UBE2E2: variants seen among roughly 807,000 people sequenced by gnomAD.
UBE2E2 encodes ubiquitin-conjugating enzyme E2 E2.
Under a neutral mutation model 24.7 loss-of-function variants are expected in UBE2E2, and 6 were observed. The ratio of observed to expected loss-of-function variants is 0.24; its 90% CI spans 0.13 to 0.48. The LOEUF is 0.48. UBE2E2 is among the 20% of genes least tolerant of loss of function. UBE2E2 has a pLI of 0.99. For missense variants in UBE2E2, 169 were observed against 245.0 expected, an observed-to-expected ratio of 0.69 and a Z score of 2.07; for synonymous variants, 104 against 83.6, an observed-to-expected ratio of 1.24 and a Z score of -1.33.
rs372399713 is a variant in UBE2E2, at chr3:23,324,268, A to G, written c.227+106956A>G. Among the ~76,000 whole-genome samples, 90 of 152,272 alleles carry G rather than the reference A, an allele frequency of 5.9e-4. 2 individuals carry two copies. In the South Asian group the frequency reaches 0.017, roughly 29 times the overall value. On this transcript the variant is annotated intron_variant, in intron 3 of 5. Coordinates refer to ENST00000396703, the MANE Select transcript of UBE2E2 (RefSeq NM_152653.4). ...TTAGTTGAATCTGTGATTTTATAAA[A>G]TACGAATTAAATTTCTTATAAAATG... is the stretch of plus-strand genomic sequence containing the variant.
At chr3:23,469,299 A>G (rs1698986068) in intron 3 of UBE2E2, among the ~76,000 whole-genome samples, 1 of 152,220 alleles carries the variant, frequency 6.6e-6, no homozygotes. Flanking sequence ...AACAAGTTCC[A>G]ACATTCTACA....
chr3:23,321,934 G>A (rs146114100), intron 3 of UBE2E2, among the ~76,000 whole-genome samples: 106 of 152,004 alleles, frequency 7.0e-4, no homozygotes, highest in African/African-American at 2.4e-3. Flanking sequence ...AATTTATGCC[G>A]TAAGAGAATG....
intron 3 of UBE2E2, among the ~76,000 whole-genome samples, chr3:23,405,306 T>C (rs1175226725): frequency 6.6e-6 from 1 of 152,150 alleles, no homozygotes; most frequent in Non-Finnish European, 1.5e-5. Flanking sequence ...CCTCACTGAT[T>C]GTAAGAATGA....
At chr3:23,447,974 A>C (rs1244020130) in intron 3 of UBE2E2, among the ~76,000 whole-genome samples, 2 of 152,214 alleles carry the variant, frequency 1.3e-5, no homozygotes, top group Admixed American at 1.3e-4. Context: ...TGAGGAAGAA[A>C]GGTTATTAGG....
rs917186177 is a variant in UBE2E2 at position 23,280,428 on chromosome 3, A to G, written c.227+63116A>G. 6.6e-6 allele frequency among the ~76,000 whole-genome samples: 1 copy of G among 152,208 alleles called. No individual in the cohort carries two copies. Among genetic ancestry groups the G allele is most frequent in the East Asian group, 1.9e-4 (1 of 5,200 alleles). ...TCAGGATCACACTGGTGCCACTTTA[A>G]CTGGAAAGTTTTGAGGGATTGTGAA... On this transcript the variant is annotated intron_variant, in intron 3 of 5. Transcript: ENST00000396703. The surrounding 1 kb of genome is among the most constrained non-coding windows in gnomAD (Gnocchi z 4.3).
intron 3 of UBE2E2, among the ~76,000 whole-genome samples, chr3:23,459,586 C>T (rs746801792): frequency 4.6e-5 from 7 of 152,150 alleles, no homozygotes; most frequent in Non-Finnish European, 8.8e-5. Flanking sequence ...GGCTGTTGAA[C>T]AGTAGGAGGG....
intron 5 of UBE2E2, among the ~76,000 whole-genome samples, chr3:23,559,462 G>A (rs912915283): frequency 7.9e-5 from 12 of 151,978 alleles, no homozygotes; most frequent in African/African-American, 2.9e-4. Flanking sequence ...CTTCGTACAA[G>A]TGAGAATTAG....
chr3:23,252,019 A>AG (rs1395992780), intron 3 of UBE2E2, among the ~76,000 whole-genome samples: 1 of 152,234 alleles, frequency 6.6e-6, no homozygotes, highest in Non-Finnish European at 1.5e-5. Context: ...CTGTAATCCA[A>AG]GGGGGCACAT....
chr3:23,335,110 T>C (rs1411155013), intron 3 of UBE2E2, among the ~76,000 whole-genome samples: 2 of 152,202 alleles, frequency 1.3e-5, no homozygotes, highest in Non-Finnish European at 2.9e-5. Flanking sequence ...TTAATTCTTC[T>C]TTTGCTGTGC....
At chr3:23,340,393 G>A (rs1239061804) in intron 3 of UBE2E2, among the ~76,000 whole-genome samples, 1 of 152,046 alleles carries the variant, frequency 6.6e-6, no homozygotes, top group African/African-American at 2.4e-5. Context: ...TGTGAAGCAA[G>A]TGCCTGTCAT....
chr3:23,527,157 T>C (rs532479309), intron 4 of UBE2E2, among the ~76,000 whole-genome samples: 1 of 152,238 alleles, frequency 6.6e-6, no homozygotes, highest in African/African-American at 2.4e-5. Flanking sequence ...TGAAACATAG[T>C]GATAACACCA....
In UBE2E2 at chr3:23,567,572, A is replaced by G. The variant is rs182267971; in HGVS notation, c.509-22162A>G. Among the ~76,000 whole-genome samples the G allele has an allele frequency of 1.4e-4, 22 of 152,330 alleles. No individual in the cohort carries two copies. The South Asian group carries it at 2.1e-3, about 14-fold the overall frequency. Reference sequence around the variant, plus strand: ...TTAGATTCAAAGCCAAGACAGCTGTATATTAAACCCCAAAAAGTGGCACCA... The same window carrying G: ...TTAGATTCAAAGCCAAGACAGCTGTGTATTAAACCCCAAAAAGTGGCACCA... On this transcript the variant is annotated intron_variant, in intron 5 of 5. Coordinates refer to ENST00000396703, the MANE Select transcript of UBE2E2 (RefSeq NM_152653.4).
intron 3 of UBE2E2, among the ~76,000 whole-genome samples, chr3:23,299,802 A>G (rs369227135): frequency 6.0e-4 from 92 of 152,132 alleles, no homozygotes; most frequent in South Asian, 2.7e-3. Context: ...TATTAGGTCC[A>G]CTTGGTGCAG....
intron 3 of UBE2E2, among the ~76,000 whole-genome samples, chr3:23,221,648 T>A (rs1489125195): frequency 2.6e-5 from 4 of 152,124 alleles, no homozygotes; most frequent in Admixed American, 1.3e-4. Context: ...CTTCTTTTTT[T>A]TTTCTGAGAC....
intron 3 of UBE2E2, among the ~76,000 whole-genome samples, chr3:23,415,839 C>T (rs1157120212): frequency 1.3e-5 from 2 of 152,058 alleles, no homozygotes; most frequent in African/African-American, 4.8e-5. Context: ...TGGTTTGCTG[C>T]ACCCATCAAC....
chr3:23,285,421 C>T (rs1698594496), intron 3 of UBE2E2, among the ~76,000 whole-genome samples: 1 of 152,012 alleles, frequency 6.6e-6, no homozygotes, highest in African/African-American at 2.4e-5. Context: ...ATATGGTAGC[C>T]CAATTTTTAA....
At chr3:23,265,586 G>A (rs1482646294) in intron 3 of UBE2E2, among the ~76,000 whole-genome samples, 1 of 152,176 alleles carries the variant, frequency 6.6e-6, no homozygotes, top group Admixed American at 6.5e-5. Flanking sequence ...CTCCTCCAGT[G>A]CATAGGCTCA....
chr3:23,218,732 TAAATG>T (rs1481767713), intron 3 of UBE2E2, among the ~76,000 whole-genome samples: 1 of 152,124 alleles, frequency 6.6e-6, no homozygotes, highest in East Asian at 1.9e-4. Flanking sequence ...TCATTTTTAA[TAAATG>T]AAATCCACAT....
intron 5 of UBE2E2, among the ~76,000 whole-genome samples, chr3:23,538,490 A>G (rs1695315864): frequency 2.0e-5 from 3 of 152,184 alleles, no homozygotes; most frequent in Admixed American, 6.5e-5. Flanking sequence ...TGGTATTTTT[A>G]ATAGCAAGAC....
Sources: gnomAD v4.1 joint callset for allele counts (sites outside exome capture counted in the v4.1 genomes callset) on GRCh38, gnomAD v4.1.1 for gene constraint, Gnocchi (gnomAD v3.1) non-coding constraint, MANE v1.5 for transcripts, NCBI Gene and HGNC (gene_info 2026-07-23, HGNC 2026-07-21) for gene names.